The following CRYBA1 variants were observed in gnomAD, a reference collection of about 807,000 sequenced individuals.
The protein encoded by CRYBA1 is crystallin beta A1, also known as beta-crystallin A3.
CRYBA1 carries 25 observed loss-of-function variants against 36.2 expected under a neutral mutation model. The ratio of observed to expected loss-of-function variants is 0.69; its 90% CI spans 0.50 to 0.97. The LOEUF (loss-of-function observed/expected upper bound fraction) is 0.97. Ranked by LOEUF, CRYBA1 falls within the 50% of genes least tolerant of loss-of-function variation. The pLI, the probability that CRYBA1 is intolerant of heterozygous loss-of-function variation, is 0.00. For synonymous variants in CRYBA1, 111 were observed against 90.0 expected (o/e 1.23, Z -1.32); for missense variants, 224 against 276.3 (o/e 0.81, Z 1.34).
chr17:29,249,300 C>A, intron 2 of CRYBA1, 94 bp downstream of exon 2: 1 of 837,958 alleles, frequency 1.2e-6, no homozygotes, highest in Non-Finnish European at 2.0e-6. Flanking sequence ...CAGTGACTGA[C>A]CAGAAAAACC....
intron 1 of CRYBA1, among the ~76,000 whole-genome samples, chr17:29,248,365 TTTC>T (rs2068914185): frequency 6.6e-6 from 1 of 151,400 alleles, no homozygotes; most frequent in African/African-American, 2.4e-5. Flanking sequence ...CCTTGTTTTT[TTTC>T]TTTTTTTTTT....
At chr17:29,246,922 C>A (rs773879352) in intron 1 of CRYBA1, 28 bp downstream of exon 1, 1 of 1,598,800 alleles carries the variant, frequency 6.3e-7, no homozygotes, top group Admixed American at 1.7e-5. Context: ...GGTGCCCTTG[C>A]CCTTCCTCTC....
In CRYBA1 at chr17:29,249,171, A is replaced by G; in HGVS notation, c.61A>G (p.Thr21Ala). Residue 21 changes from threonine (T) to alanine (A), a missense_variant, in exon 2 of 6, where the codon ACC (threonine) becomes GCC (alanine). Coordinates refer to ENST00000225387, the MANE Select transcript of CRYBA1 (RefSeq NM_005208.5). ...CCTTCCAACCACCAAGATGGCTCAG[A>G]CCAACCCTACGCCGGGGTCCCTGGG... ...ETLPTTKMAQTNPTPGSLGPW... is the reference protein window; with the variant it reads ...ETLPTTKMAQANPTPGSLGPW... 1.2e-6 allele frequency: 2 copies of G among 1,613,394 alleles called. No individual in the cohort carries two copies. Among genetic ancestry groups the G allele is most frequent in the South Asian group, 1.1e-5 (1 of 91,036 alleles).
intron 5 of CRYBA1, 148 bp downstream of exon 5, chr17:29,253,930 C>T (rs982498727): frequency 8.7e-7 from 1 of 1,156,066 alleles, no homozygotes; most frequent in Non-Finnish European, 1.2e-6. Context: ...TTTATACCAA[C>T]TACCACTTTA....
rs779878639 is a variant in CRYBA1, at chr17:29,247,232, G to A, written c.31+338G>A. 7.7e-4 allele frequency among the ~76,000 whole-genome samples: 117 copies of A among 152,266 alleles called. 1 individual carries two copies. In the Middle Eastern group the frequency reaches 0.02, roughly 27 times the overall value. On this transcript the variant is annotated intron_variant, in intron 1 of 5. Transcript: ENST00000225387. ...CAGAGTTGACATGCATCATTCCTGGGCCCAATACCAGCCAGGAGGAGGGCC... is the reference window on the plus strand; with the variant it reads ...CAGAGTTGACATGCATCATTCCTGGACCCAATACCAGCCAGGAGGAGGGCC...
intron 1 of CRYBA1, among the ~76,000 whole-genome samples, chr17:29,247,953 C>T (rs1023408990): frequency 6.6e-6 from 1 of 152,070 alleles, no homozygotes; most frequent in Non-Finnish European, 1.5e-5. Context: ...CCCGTCTCTA[C>T]TAAAAATACA....
intron 1 of CRYBA1, among the ~76,000 whole-genome samples, chr17:29,248,057 G>C (rs1432755559): frequency 1.3e-5 from 2 of 151,786 alleles, no homozygotes; most frequent in Non-Finnish European, 2.9e-5. Context: ...CGGAGGTTGC[G>C]GTGAGCCGAG....
At chr17:29,248,005 A>G (rs1366911110) in intron 1 of CRYBA1, among the ~76,000 whole-genome samples, 1 of 152,120 alleles carries the variant, frequency 6.6e-6, no homozygotes, top group African/African-American at 2.4e-5. Flanking sequence ...AATCCCAGCT[A>G]CTAGGGAGGC....
chr17:29,250,292 A>G lies in CRYBA1; in HGVS notation c.207A>G (p.Glu69=). ...ATAATGTCCGGTCCCTGAAGGTGGA[A>G]AGTGGCGCGTGAGTATGGACTTCCG... ...SFDNVRSLKV[E]SGAWIGYEHT... The change falls in exon 3 of 6, where the codon GAA becomes GAG. Residue 69 remains glutamate, a synonymous_variant. Transcript: ENST00000225387. The G allele has an allele frequency of 1.2e-6, 2 of 1,601,158 alleles. No individual in the cohort carries two copies. The highest frequency in any genetic ancestry group is 8.6e-7 in the Non-Finnish European group (1 of 1,168,128).
intron 4 of CRYBA1, among the ~76,000 whole-genome samples, chr17:29,252,495 C>A (rs902190363): frequency 1.3e-5 from 2 of 152,056 alleles, no homozygotes; most frequent in African/African-American, 4.8e-5. Flanking sequence ...AAGTGCTTAC[C>A]CTGCAGCAAA....
intron 1 of CRYBA1, 106 bp from the exon 2 acceptor site, chr17:29,249,036 C>T (rs770424945): frequency 2.5e-6 from 2 of 801,158 alleles, no homozygotes; most frequent in Non-Finnish European, 4.5e-6. Context: ...GAATTTCAAC[C>T]AAAGTCTGTC....
At chr17:29,247,050 AC>A (rs1431645404) in intron 1 of CRYBA1, among the ~76,000 whole-genome samples, 156 bp downstream of exon 1, 1 of 152,138 alleles carries the variant, frequency 6.6e-6, no homozygotes, top group African/African-American at 2.4e-5. Flanking sequence ...TTCTCTTGTC[AC>A]CCCAAGAGGA....
chr17:29,253,571 T>C, intron 4 of CRYBA1, 69 bp from the exon 5 acceptor site: 1 of 1,347,792 alleles, frequency 7.4e-7, no homozygotes, highest in Non-Finnish European at 1.1e-6. Flanking sequence ...TGTTTCAATT[T>C]TGAAAAACAT....
At chr17:29,252,689 G>T (rs2068943514) in intron 4 of CRYBA1, among the ~76,000 whole-genome samples, 1 of 152,174 alleles carries the variant, frequency 6.6e-6, no homozygotes, top group African/African-American at 2.4e-5. Flanking sequence ...ACTCAATAAT[G>T]CATCAGGCTG....
At chr17:29,253,326 G>C (rs2068947454) in intron 4 of CRYBA1, among the ~76,000 whole-genome samples, 1 of 152,122 alleles carries the variant, frequency 6.6e-6, no homozygotes, top group African/African-American at 2.4e-5. Context: ...AATAATCTGT[G>C]AGATCTTTTT....
chr17:29,254,129 G>C, intron 5 of CRYBA1, 73 bp from the exon 6 acceptor site: 1 of 1,521,632 alleles, frequency 6.6e-7, no homozygotes, highest in Non-Finnish European at 9.1e-7. Context: ...GTTGAGTAAA[G>C]AGGCTCAGGT....
intron 2 of CRYBA1, 79 bp downstream of exon 2, chr17:29,249,285 T>C: frequency 9.9e-7 from 1 of 1,010,876 alleles, no homozygotes; most frequent in Non-Finnish European, 1.6e-6. Flanking sequence ...TGCTCGTCCA[T>C]AAGGCAGTGA....
rs1361096686 is a variant in CRYBA1, at chr17:29,249,155, C to A, written c.45C>A (p.Thr15=). 6.2e-7 allele frequency: 1 copy of A among 1,612,950 alleles called. No homozygotes were observed. ...TCTGTCTTCCAGAAACCCTTCCAAC[C>A]ACCAAGATGGCTCAGACCAACCCTA... ...AEQQELETLP[T]TKMAQTNPTP... The change falls in exon 2 of 6, where the codon ACC becomes ACA. Residue 15 remains threonine, a synonymous_variant. Transcript: ENST00000225387.
chr17:29,247,654 C>T (rs1219760627), intron 1 of CRYBA1, among the ~76,000 whole-genome samples: 2 of 152,342 alleles, frequency 1.3e-5, no homozygotes, highest in Non-Finnish European at 1.5e-5. Flanking sequence ...CCTAGAAGAC[C>T]GAGGCCTTGC....
Sources: allele counts gnomAD v4.1 joint callset (sites outside exome capture counted in the v4.1 genomes callset), GRCh38; gene constraint gnomAD v4.1.1; transcripts MANE v1.5; gene names NCBI Gene and HGNC (gene_info 2026-07-23, HGNC 2026-07-21).